Variants in CASQ2 observed in about 807,000 individuals in gnomAD.
The protein encoded by CASQ2 is calsequestrin-2.
Under a neutral mutation model 46.5 loss-of-function variants are expected in CASQ2, and 49 were observed. The observed-to-expected ratio is 1.05, with a 90% CI of 0.84 to 1.34. The LOEUF is 1.34. Ranked by LOEUF, CASQ2 falls within the 40% of genes most tolerant of loss-of-function variation. The pLI is 0.00. For synonymous variants in CASQ2, 174 were observed against 168.5 expected (o/e 1.03, Z -0.25); for missense variants, 486 against 481.3 (o/e 1.01, Z -0.09).
chr1:115,708,737 C>T (rs984296086), intron 8 of CASQ2, among the ~76,000 whole-genome samples: 4 of 152,202 alleles, frequency 2.6e-5, no homozygotes, highest in Admixed American at 2.6e-4. Context: ...CTGGAACTCC[C>T]TAAGCCTGGC....
Position 115,709,344 on chromosome 1 carries a change from G to A in CASQ2, c.839-4052C>T, listed in dbSNP as rs1654470559. On this transcript the variant is annotated intron_variant, in intron 8 of 10. Coordinates refer to ENST00000261448, the MANE Select transcript of CASQ2 (RefSeq NM_001232.4). ...GTAATTCAATGTTAAGCAAGGACTA[G>A]TCCACTGTTAAAATTACATGGATGA... Among the ~76,000 whole-genome samples, 3 of 152,206 alleles carry A rather than the reference G, an allele frequency of 2.0e-5. No individual in the cohort carries two copies. In the South Asian group the frequency reaches 6.2e-4, roughly 32 times the overall value.
chr1:115,750,363 T>C (rs1345257679), intron 1 of CASQ2, among the ~76,000 whole-genome samples: 1 of 152,254 alleles, frequency 6.6e-6, no homozygotes, highest in Non-Finnish European at 1.5e-5. Flanking sequence ...TGAATGGGGT[T>C]GTCTCTTATC....
intron 8 of CASQ2, among the ~76,000 whole-genome samples, chr1:115,706,595 A>G (rs76949527): frequency 0.025 from 3,752 of 152,282 alleles, 73 homozygotes; most frequent in Non-Finnish European, 0.038. Flanking sequence ...TCAAAATTGA[A>G]ATTTAGGTTC....
intron 7 of CASQ2, among the ~76,000 whole-genome samples, chr1:115,722,462 G>A (rs1647413638): frequency 6.6e-6 from 1 of 152,140 alleles, no homozygotes; most frequent in Non-Finnish European, 1.5e-5. Context: ...GTAGCAGTGT[G>A]GGATATGTGA....
At chr1:115,717,336 C>G (rs944893755) in intron 8 of CASQ2, among the ~76,000 whole-genome samples, 4 of 152,168 alleles carry the variant, frequency 2.6e-5, no homozygotes, top group African/African-American at 9.7e-5. Flanking sequence ...ATCAGCTGGT[C>G]TAAAAGGCTG....
intron 7 of CASQ2, 104 bp from the exon 8 acceptor site, chr1:115,717,998 G>A (rs1647225140): frequency 1.2e-6 from 1 of 808,602 alleles, no homozygotes; most frequent in Non-Finnish European, 2.2e-6. Context: ...GGAGAGGTAG[G>A]GAGAGGTGTG....
chr1:115,725,402 T>C, intron 7 of CASQ2, 106 bp downstream of exon 7: 2 of 1,276,294 alleles, frequency 1.6e-6, no homozygotes, highest in Admixed American at 1.7e-5. Flanking sequence ...GACATCCACC[T>C]CAGCCAAATA....
intron 1 of CASQ2, among the ~76,000 whole-genome samples, chr1:115,752,946 A>G (rs1302646240): frequency 6.6e-6 from 1 of 152,174 alleles, no homozygotes; most frequent in Non-Finnish European, 1.5e-5. Flanking sequence ...CTACAAGTTG[A>G]GAATCAGTCA....
intron 7 of CASQ2, among the ~76,000 whole-genome samples, chr1:115,722,306 T>A (rs961066642): frequency 6.6e-6 from 1 of 152,250 alleles, no homozygotes; most frequent in South Asian, 2.1e-4. Flanking sequence ...ATATGAGCCA[T>A]CACCATTATT....
At chr1:115,742,325 T>C (rs899402424) in intron 2 of CASQ2, among the ~76,000 whole-genome samples, 10 of 152,134 alleles carry the variant, frequency 6.6e-5, no homozygotes, top group Non-Finnish European at 1.5e-4. Context: ...AAAGGTGCCC[T>C]AGGGAACATT....
intron 8 of CASQ2, 82 bp from the exon 9 acceptor site, chr1:115,705,374 G>A (rs772745239): frequency 1.1e-4 from 102 of 892,686 alleles, no homozygotes; most frequent in Non-Finnish European, 1.6e-4. Context: ...ATTTTTCCAC[G>A]AGGACTTCTT....
At chr1:115,739,304 A>C (rs1462471152) in intron 3 of CASQ2, among the ~76,000 whole-genome samples, 2 of 150,158 alleles carry the variant, frequency 1.3e-5, no homozygotes, top group Non-Finnish European at 3.0e-5. Flanking sequence ...TTTAGTAGAG[A>C]TGGGGTTTCA....
At chr1:115,714,765 G>A (rs1215483802) in intron 8 of CASQ2, among the ~76,000 whole-genome samples, 2 of 152,162 alleles carry the variant, frequency 1.3e-5, no homozygotes, top group Non-Finnish European at 2.9e-5. Context: ...CCAACCCTGA[G>A]TGGCAAGGCC....
chr1:115,729,035 C>CTTTTTTTTTTTTTTTTTTTTTTTTTT (rs753965730), intron 5 of CASQ2, among the ~76,000 whole-genome samples: 1 of 68,834 alleles, frequency 1.5e-5, no homozygotes, highest in African/African-American at 6.4e-5. Flanking sequence ...CTCTTTCATT[C>CTTTTTTTTTTTTTTTTTTTTTTTTTT]TTTTTTTTTT....
chr1:115,737,524 G>A (rs1208005411), intron 4 of CASQ2, among the ~76,000 whole-genome samples: 1 of 152,120 alleles, frequency 6.6e-6, no homozygotes, highest in East Asian at 1.9e-4. Flanking sequence ...CTACCTCACG[G>A]GGGCCATGCT....
At chr1:115,732,766 T>C (rs1323260242) in intron 5 of CASQ2, 135 bp downstream of exon 5, 43 of 708,524 alleles carry the variant, frequency 6.1e-5, no homozygotes, top group Non-Finnish European at 5.2e-5. Context: ...AGTGATATAA[T>C]TCTTAACCCT....
At chr1:115,701,940 G>A (rs529555281) in intron 10 of CASQ2, among the ~76,000 whole-genome samples, 2 of 138,000 alleles carry the variant, frequency 1.4e-5, no homozygotes, top group Admixed American at 7.3e-5. Flanking sequence ...TTTTTTTTTT[G>A]AGATGGAGTT....
chr1:115,725,685 A>G, intron 6 of CASQ2, 132 bp from the exon 7 acceptor site: 1 of 1,146,378 alleles, frequency 8.7e-7, no homozygotes, highest in Non-Finnish European at 1.2e-6. Flanking sequence ...GGAGAGCCCT[A>G]AAAACCCACT....
intron 3 of CASQ2, among the ~76,000 whole-genome samples, chr1:115,739,317 G>A (rs547810151): frequency 8.6e-5 from 13 of 151,144 alleles, no homozygotes; most frequent in East Asian, 3.9e-4. Flanking sequence ...GGGTTTCACC[G>A]TATTAGCCAG....
Sources: allele counts gnomAD v4.1 joint callset (sites outside exome capture counted in the v4.1 genomes callset), GRCh38; gene constraint gnomAD v4.1.1; transcripts MANE v1.5; gene names NCBI Gene and HGNC (gene_info 2026-07-23, HGNC 2026-07-21).